Variants in KIFC3 observed in about 807,000 individuals in gnomAD.
The protein encoded by KIFC3 is kinesin-like protein KIFC3.
In KIFC3, 60 loss-of-function variants were observed where a neutral mutation model predicts 101.8. The ratio of observed to expected loss-of-function variants is 0.59; its 90% CI spans 0.48 to 0.73. The LOEUF is 0.73. Ranked by LOEUF, KIFC3 falls within the 30% of genes least tolerant of loss-of-function variation. The pLI is 0.00. For missense variants in KIFC3, 966 were observed against 1,137.1 expected (o/e 0.85, Z 2.16); for synonymous variants, 476 against 482.7 (o/e 0.99, Z 0.18).
At chr16:57,783,670 A>G (rs1470672725) in intron 3 of KIFC3, among the ~76,000 whole-genome samples, 1 of 151,936 alleles carries the variant, frequency 6.6e-6, no homozygotes, top group Non-Finnish European at 1.5e-5. Flanking sequence ...ACGGGGTTTC[A>G]CTATGTTGGC....
chr16:57,807,333 C>G (rs1290003235), upstream of KIFC3, among the ~76,000 whole-genome samples: 1 of 152,144 alleles, frequency 6.6e-6, no homozygotes, highest in Non-Finnish European at 1.5e-5. Context: ...AACTGCAGGT[C>G]TTGGGCACAT....
At chr16:57,812,444 C>G (rs1263401703) in intron 1 of KIFC3, among the ~76,000 whole-genome samples, 2 of 151,910 alleles carry the variant, frequency 1.3e-5, no homozygotes, top group Admixed American at 1.3e-4. Context: ...CTGCAATCAT[C>G]CCCCTCTAAG....
At chr16:57,774,997 C>T (rs1555611055) in intron 3 of KIFC3, 1 of 1,533,848 alleles carries the variant, frequency 6.5e-7, no homozygotes, top group Admixed American at 2.0e-5. Context: ...ATCTCCACTG[C>T]CGCCCCTGCC....
At position 57,761,094 on chromosome 16, in the gene KIFC3, C is replaced by G; in HGVS notation, c.1950G>C (p.Leu650=). 6.2e-7 allele frequency: 1 copy of G among 1,613,842 alleles called. No individual in the cohort carries two copies. The change falls in exon 15 of 20, where the codon CTG becomes CTC. Residue 650 remains leucine (L), a synonymous_variant. Coordinates refer to ENST00000445690, the MANE Select transcript of KIFC3 (RefSeq NM_001130100.2). The part of the protein sequence containing the change: ...LNEHSSRSHA[L]LIVTVRGVDC... ...CCACGCCTCGCACCGTCACGATGAG[C>G]AGCGCGTGCGAGCGGGAGCTGTGCT...
At position 57,761,547 on chromosome 16, in the gene KIFC3, AG is replaced by A; in HGVS notation, c.1749-12del. 2 of 1,610,852 alleles carry A rather than the reference AG, an allele frequency of 1.2e-6. No homozygotes were observed. The highest frequency in any genetic ancestry group is 1.7e-6 in the Non-Finnish European group (2 of 1,179,132). ...TTCCCTAGCAGGTCCCTGGAGGGGC[AG>A]GTGAGACAGTCACCCCCTCCTCCCA... On this transcript the variant is annotated splice_polypyrimidine_tract_variant and intron_variant, in intron 13 of 19. Coordinates refer to ENST00000445690, the MANE Select transcript of KIFC3 (RefSeq NM_001130100.2).
chr16:57,818,504 A>G (rs2055279910), intron 1 of KIFC3, among the ~76,000 whole-genome samples: 1 of 152,164 alleles, frequency 6.6e-6, no homozygotes, highest in South Asian at 2.1e-4. Context: ...AGCGGGGATT[A>G]TAGGCATGTG....
chr16:57,828,755 C>T (rs1555631212), intron 1 of KIFC3, among the ~76,000 whole-genome samples: 1 of 152,116 alleles, frequency 6.6e-6, no homozygotes, highest in Non-Finnish European at 1.5e-5. Flanking sequence ...GAGTAACAGC[C>T]CACTCCCTAC....
At chr16:57,807,314 C>A (rs782567287), upstream of KIFC3, among the ~76,000 whole-genome samples, 66 of 152,202 alleles carry the variant, frequency 4.3e-4, no homozygotes, top group African/African-American at 1.3e-3. Context: ...TCCAGCTTTG[C>A]ATGTCACCAA....
chr16:57,804,173 A>G (rs1308929020), upstream of KIFC3, among the ~76,000 whole-genome samples: 1 of 152,228 alleles, frequency 6.6e-6, no homozygotes, highest in Non-Finnish European at 1.5e-5. Context: ...ATAGATGTTC[A>G]TTGTAACCAT....
intron 4 of KIFC3, 21 bp downstream of exon 4, chr16:57,772,202 A>G (rs1339900237): frequency 5.6e-6 from 9 of 1,610,260 alleles, no homozygotes; most frequent in African/African-American, 1.3e-5. Context: ...GCGCTACCCC[A>G]GGACAGCCTT....
chr16:57,797,811 T>G (rs944016849), intron 2 of KIFC3: 14 of 1,380,420 alleles, frequency 1.0e-5, no homozygotes, highest in Middle Eastern at 5.5e-4. Flanking sequence ...TGCAGCTGAT[T>G]CCCCCTGCTC....
chr16:57,851,203 G>A (rs1159530388), intron 1 of KIFC3, among the ~76,000 whole-genome samples: 3 of 151,546 alleles, frequency 2.0e-5, no homozygotes, highest in Non-Finnish European at 2.9e-5. Flanking sequence ...TTGTAGAGAC[G>A]GGGGTCTCAT....
At chr16:57,765,364 C>T in intron 11 of KIFC3, 95 bp downstream of exon 11, 1 of 1,287,366 alleles carries the variant, frequency 7.8e-7, no homozygotes, top group Non-Finnish European at 1.1e-6. Context: ...ACCCCCCACT[C>T]TTAACGCTTC....
rs782437442 is a variant in KIFC3 at position 57,795,172 on chromosome 16, C to T, written c.173-31G>A. On this transcript the variant is annotated intron_variant, in intron 2 of 19. Coordinates refer to ENST00000445690, the MANE Select transcript of KIFC3 (RefSeq NM_001130100.2). Reference sequence around the variant, plus strand: ...CCAGGACAGAGAGATAGGTGAGACACTCCGACCACTGGCCAAAGACTGCTA... The same window carrying T: ...CCAGGACAGAGAGATAGGTGAGACATTCCGACCACTGGCCAAAGACTGCTA... 50 of 1,597,508 alleles carry T rather than the reference C, an allele frequency of 3.1e-5. No individual in the cohort carries two copies. The South Asian group carries it at 5.3e-4, about 17-fold the overall frequency.
intron 1 of KIFC3, among the ~76,000 whole-genome samples, chr16:57,800,939 T>C (rs2054684794): frequency 6.6e-6 from 1 of 152,198 alleles, no homozygotes; most frequent in Non-Finnish European, 1.5e-5. Context: ...CCCTGTTTAC[T>C]AGATGTCTGA....
chr16:57,760,044 TCTA>T, intron 17 of KIFC3: 3 of 615,672 alleles, frequency 4.9e-6, no homozygotes, highest in Non-Finnish European at 8.5e-6. Context: ...CCACTGAGCA[TCTA>T]CTATGTGCCA....
At chr16:57,813,749 C>A (rs2055150220) in intron 1 of KIFC3, 2 of 985,252 alleles carry the variant, frequency 2.0e-6, no homozygotes, top group Admixed American at 6.1e-5. Context: ...ATCCTCACAG[C>A]CTCTGCAGCA....
chr16:57,786,729 T>C (rs2053368181), intron 3 of KIFC3, among the ~76,000 whole-genome samples: 1 of 152,140 alleles, frequency 6.6e-6, no homozygotes, highest in Non-Finnish European at 1.5e-5. Context: ...TGGGGGGATC[T>C]TAGACTCTGG....
At chr16:57,816,467 C>T in intron 1 of KIFC3, 1 of 459,784 alleles carries the variant, frequency 2.2e-6, no homozygotes, top group Non-Finnish European at 4.4e-6. Context: ...GGGCTCAGAG[C>T]TGCCGAAGTG....
Sources: allele counts gnomAD v4.1 joint callset (sites outside exome capture counted in the v4.1 genomes callset), GRCh38; gene constraint gnomAD v4.1.1; transcripts MANE v1.5; gene names NCBI Gene and HGNC (gene_info 2026-07-23, HGNC 2026-07-21).